Variants in E4F1 observed in about 807,000 individuals in gnomAD.
E4F1 encodes transcription factor E4F1.
E4F1 carries 30 observed loss-of-function variants against 72.9 expected under a neutral mutation model. The observed-to-expected ratio is 0.41, with a 90% CI of 0.31 to 0.56. E4F1 has a LOEUF of 0.56. Among genes scored for constraint, E4F1 ranks in the 20% least tolerant of loss-of-function variants. E4F1 has a pLI of 0.25. For synonymous variants in E4F1, 542 were observed against 478.2 expected (o/e 1.13, Z -1.74); for missense variants, 1,091 against 1,117.5 (o/e 0.98, Z 0.34).
chr16:2,233,210 G>GCTGCTCTGTCTTCTGC (rs765920788), intron 7 of E4F1, 27 bp downstream of exon 7: 1 of 1,579,452 alleles, frequency 6.3e-7, no homozygotes, highest in South Asian at 1.2e-5. Flanking sequence ...GCCCCGGAGG[G>GCTGCTCTGTCTTCTGC]CTGCTCTGTC....
Position 2,235,550 on chromosome 16 carries a change from A to G in E4F1, c.2333A>G (p.Glu778Gly). Residue 778 changes from glutamate to glycine, a missense_variant, in exon 14 of 14, where the codon GAG becomes GGG. Around this residue, in one of 5 missense-constraint regions of E4F1, gnomAD observed 622 missense variants for 628.0 expected, o/e 0.99. Transcript: ENST00000301727. Reference sequence around the variant, plus strand: ...ATCGCCTCGCCGGAGGGCCAGCTGGAGGTGCAGACGGTCATCGTCTAGCAT... The same window carrying G: ...ATCGCCTCGCCGGAGGGCCAGCTGGGGGTGCAGACGGTCATCGTCTAGCAT... ...LVIASPEGQL[E>G]VQTVIV The G allele has an allele frequency of 6.2e-7, 1 of 1,600,410 alleles. No homozygotes were observed. Among genetic ancestry groups the G allele is most frequent in the Non-Finnish European group, 8.5e-7 (1 of 1,171,484 alleles).
chr16:2,232,420 C>G (rs572289248), intron 4 of E4F1, 36 bp from the exon 5 acceptor site: 7 of 1,605,164 alleles, frequency 4.4e-6, no homozygotes, highest in Admixed American at 1.7e-5. Context: ...CCTGTTCCCC[C>G]AGGAGGGCCC....
chr16:2,233,706 A>G (rs1407461039), intron 8 of E4F1, 59 bp downstream of exon 8: 2 of 1,504,594 alleles, frequency 1.3e-6, no homozygotes, highest in African/African-American at 2.8e-5. Context: ...GGCTGTCCCC[A>G]CGCTGGCCTT....
rs374969325 is a variant in E4F1 at position 2,233,814 on chromosome 16, G to A, written c.1267-68G>A. 1.6e-4 allele frequency: 239 copies of A among 1,465,412 alleles called. 1 individual carries two copies. The African/African-American group carries it at 2.6e-3, about 16-fold the overall frequency. The allele number at this position is 1,465,412 out of a possible 1,614,324, so 90.8% of individuals were successfully genotyped here. ...GGAGCCTGCCAGGGTGGGGCCCATG[G>A]TTGTGTTCTTGGTACTGCCAGGGCA... is the stretch of plus-strand genomic sequence containing the variant. On this transcript the variant is annotated intron_variant, in intron 8 of 13. Coordinates refer to ENST00000301727, the MANE Select transcript of E4F1 (RefSeq NM_004424.5).
chr16:2,228,353 GA>G lies in E4F1; in HGVS notation c.158-18del. 2 of 1,613,466 alleles carry G rather than the reference GA, an allele frequency of 1.2e-6. No individual in the cohort carries two copies. The highest frequency in any genetic ancestry group is 1.7e-6 in the Non-Finnish European group (2 of 1,179,954). Reference sequence around the variant, plus strand: ...AGCCTCCGCCTTCCCAGGCCCTGCTGACAGCAGGCTCGTTGCAGATGAGGAC... The same window carrying G: ...AGCCTCCGCCTTCCCAGGCCCTGCTGCAGCAGGCTCGTTGCAGATGAGGAC... On this transcript the variant is annotated intron_variant, in intron 1 of 13. Coordinates refer to ENST00000301727, the MANE Select transcript of E4F1 (RefSeq NM_004424.5).
In E4F1 at chr16:2,235,332, G is replaced by A. The variant is rs1227889379; in HGVS notation, c.2115G>A (p.Ala705=). The part of the protein sequence containing the change: ...MDEETALGPE[A]AAADTITIAT... ...AGGAGACGGCGCTGGGCCCAGAGGC[G>A]GCTGCCGCCGACACCATCACCATCG... The change falls in exon 14 of 14, where the codon GCG becomes GCA. Residue 705 remains alanine (A), a synonymous_variant. Coordinates refer to ENST00000301727, the MANE Select transcript of E4F1 (RefSeq NM_004424.5). The A allele has an allele frequency of 4.3e-6, 7 of 1,609,436 alleles. No homozygotes were observed. In the Admixed American group the frequency reaches 6.7e-5, roughly 15 times the overall value.
chr16:2,233,541 G>C lies in E4F1; in HGVS notation c.1160G>C (p.Gly387Ala). 2 of 1,522,956 alleles carry C rather than the reference G, an allele frequency of 1.3e-6. No individual in the cohort carries two copies. Among genetic ancestry groups the C allele is most frequent in the Non-Finnish European group, 1.8e-6 (2 of 1,135,116 alleles). 94.3% of individuals were successfully genotyped at this position (1,522,956 alleles called of 1,614,324 possible). A position where few individuals can be genotyped will look rare whatever the true frequency, so the allele number is the denominator to read the frequency against. Residue 387 changes from glycine (G) to alanine (A), a missense_variant, in exon 8 of 14, where the codon GGG (glycine) becomes GCG (alanine). Coordinates refer to ENST00000301727, the MANE Select transcript of E4F1 (RefSeq NM_004424.5). ...GGCATCGTCCTTGAGCGCGCTGCTG[G>C]GGAGGAGGGTGCCCTGGAGCCAGCT... ...NSGIVLERAA[G>A]EEGALEPAPA...
At chr16:2,228,224 G>T in intron 1 of E4F1, 148 bp from the exon 2 acceptor site, 1 of 1,091,148 alleles carries the variant, frequency 9.2e-7, no homozygotes. Flanking sequence ...TTTTGGGCCC[G>T]AGTGTGTTCT....
At chr16:2,234,049 G>A in intron 9 of E4F1, 59 bp downstream of exon 9, 1 of 1,533,958 alleles carries the variant, frequency 6.5e-7, no homozygotes, top group Non-Finnish European at 8.8e-7. Flanking sequence ...TGGCCGGGGT[G>A]CTTCTGGGTG....
intron 1 of E4F1, among the ~76,000 whole-genome samples, chr16:2,224,345 C>T (rs2093418372): frequency 6.6e-6 from 1 of 152,250 alleles, no homozygotes; most frequent in African/African-American, 2.4e-5. Flanking sequence ...ACCTCTATTT[C>T]CCCTACAGAA....
intron 9 of E4F1, 65 bp from the exon 10 acceptor site, chr16:2,234,106 A>C: frequency 6.3e-7 from 1 of 1,581,928 alleles, no homozygotes; most frequent in Non-Finnish European, 8.6e-7. Context: ...ATCTGTGGGC[A>C]GGTGGCAGGC....
rs760265782 is a variant in E4F1 at position 2,232,619 on chromosome 16, A to G, written c.730+43A>G. 1.9e-6 allele frequency: 3 copies of G among 1,608,616 alleles called. No individual in the cohort carries two copies. In the Admixed American group the frequency reaches 5.0e-5, roughly 27 times the overall value. On this transcript the variant is annotated intron_variant, in intron 5 of 13. Transcript: ENST00000301727. ...CGGGCTGGAGCCCGGTAGCACCCCGATGGTTGGCCCTGGGGTGCCCCAGCC... is the reference window on the plus strand; with the variant it reads ...CGGGCTGGAGCCCGGTAGCACCCCGGTGGTTGGCCCTGGGGTGCCCCAGCC...
In E4F1 at chr16:2,235,353, C is replaced by T. The variant is rs1472363960; in HGVS notation, c.2136C>T (p.Thr712=). The T allele has an allele frequency of 7.5e-6, 12 of 1,610,090 alleles. No individual in the cohort carries two copies. In the African/African-American group the frequency reaches 8.0e-5, roughly 11 times the overall value. The part of the protein sequence containing the change: ...GPEAAAADTI[T]IATPESLTEQ... ...AGGCGGCTGCCGCCGACACCATCAC[C>T]ATCGCCACCCCCGAGAGCCTGACAG... Residue 712 remains threonine (T), a synonymous_variant, in exon 14 of 14, where the codon ACC becomes ACT. Coordinates refer to ENST00000301727, the MANE Select transcript of E4F1 (RefSeq NM_004424.5).
At chr16:2,228,223 C>T (rs974890244) in intron 1 of E4F1, 149 bp from the exon 2 acceptor site, 6 of 1,083,900 alleles carry the variant, frequency 5.5e-6, no homozygotes, top group South Asian at 1.4e-5. Context: ...GTTTTGGGCC[C>T]GAGTGTGTTC....
chr16:2,229,874 A>C, intron 3 of E4F1, 199 bp downstream of exon 3: 2 of 581,348 alleles, frequency 3.4e-6, no homozygotes, highest in Non-Finnish European at 6.2e-6. Context: ...TCAGGTGTCC[A>C]CAGTGGCCGG....
chr16:2,233,011 G>A lies in E4F1; in HGVS notation c.884G>A (p.Gly295Asp), dbSNP rs372248982. The A allele has an allele frequency of 1.9e-6, 3 of 1,608,430 alleles. No homozygotes were observed. The highest frequency in any genetic ancestry group is 2.6e-6 in the Non-Finnish European group (3 of 1,176,066). The change falls in exon 7 of 14, where the codon GGT becomes GAT. Residue 295 changes from glycine to aspartate, a missense_variant and splice_region_variant. Gly to Asp is a moderately conservative substitution (Grantham distance 94). This residue lies in a region of E4F1 where 101 missense variants were observed against 97.4 expected (regional missense o/e 1.04). Transcript: ENST00000301727. The stretch of plus-strand genomic sequence containing the variant: ...TTCACTCCCTCACTCCACCTTGAAG[G>A]TTCTGGAGCTGGAGCTGCCGGCTTG... ...VVVSKEDARAGSGAGAAGLGT... is the reference protein window; with the variant it reads ...VVVSKEDARADSGAGAAGLGT...
intron 2 of E4F1, 141 bp from the exon 3 acceptor site, chr16:2,229,429 C>G: frequency 2.5e-6 from 2 of 790,282 alleles, no homozygotes; most frequent in Middle Eastern, 2.7e-4. Context: ...CCCACCCCAG[C>G]CGTCCCAAGG....
At chr16:2,228,249 A>C in intron 1 of E4F1, 123 bp from the exon 2 acceptor site, 3 of 1,296,566 alleles carry the variant, frequency 2.3e-6, no homozygotes, top group Non-Finnish European at 3.3e-6. Flanking sequence ...AGCCTGGGGA[A>C]GTAGCTCTGC....
chr16:2,235,742 A>G lies in E4F1; in HGVS notation c.*170A>G. ...TTTACAATAAAACATGAGAACCTGC[A>G]GCTTGTGATGTTGTGGCAGTGGCAG... is the stretch of plus-strand genomic sequence containing the variant. On this transcript the variant is annotated 3_prime_UTR_variant, in exon 14 of 14. Coordinates refer to ENST00000301727, the MANE Select transcript of E4F1 (RefSeq NM_004424.5). The G allele has an allele frequency of 1.6e-6, 1 of 635,742 alleles. No homozygotes were observed. The highest frequency in any genetic ancestry group is 2.3e-5 in the South Asian group (1 of 43,948). 39.4% of individuals were successfully genotyped at this position (635,742 alleles called of 1,614,324 possible).
Sources: gnomAD v4.1 joint callset for allele counts (sites outside exome capture counted in the v4.1 genomes callset) on GRCh38, gnomAD v4.1.1 for gene constraint, gnomAD v4.1.1 regional missense constraint, MANE v1.5 for transcripts, NCBI Gene and HGNC (gene_info 2026-07-23, HGNC 2026-07-21) for gene names.